TCF24: variants seen among roughly 807,000 people sequenced by gnomAD.
The protein encoded by TCF24 is transcription factor 24.
TCF24 carries 5 observed loss-of-function variants against 9.3 expected under a neutral mutation model. The observed-to-expected ratio is 0.54, with a 90% CI of 0.28 to 1.13. The LOEUF (loss-of-function observed/expected upper bound fraction) is 1.13. Among genes scored for constraint, TCF24 ranks in the 50% most tolerant of loss-of-function variants. The pLI is 0.09. For missense variants in TCF24, 220 were observed against 236.1 expected (o/e 0.93, Z 0.45); for synonymous variants, 110 against 115.8 (o/e 0.95, Z 0.32).
At chr8:66,956,941 A>G (rs1814164244) in intron 3 of TCF24, among the ~76,000 whole-genome samples, 1 of 151,870 alleles carries the variant, frequency 6.6e-6, no homozygotes, top group Non-Finnish European at 1.5e-5. Context: ...GCAGTGGCTC[A>G]TGCCTGTAAG....
rs1193313415 is a variant in TCF24 at position 66,957,923 on chromosome 8, AAGAATT to A, written c.390+3447_390+3452del. Among the ~76,000 whole-genome samples, 74 of 149,958 alleles carry A rather than the reference AAGAATT, an allele frequency of 4.9e-4. 1 individual carries two copies. Among genetic ancestry groups the A allele is most frequent in the African/African-American group, 1.7e-3 (69 of 40,702 alleles). On this transcript the variant is annotated intron_variant, in intron 3 of 3. Coordinates refer to ENST00000563496, the MANE Select transcript of TCF24 (RefSeq NM_001193502.2). ...AAAAAAAAAAAAAAAAAAAAAAAAA[AAGAATT>A]GCTCTAAATCATTCAGCCAAGTGTG...
rs1242333945 is a variant in TCF24 at position 66,949,216 on chromosome 8, C to T, written c.391-1052G>A. On this transcript the variant is annotated intron_variant, in intron 3 of 3. Coordinates refer to ENST00000563496, the MANE Select transcript of TCF24 (RefSeq NM_001193502.2). ...TGCGCTGCACCCACTAACTCGTCAT[C>T]TAGCATTAGGTATATCTCCCAATGC... 2.0e-5 allele frequency among the ~76,000 whole-genome samples: 3 copies of T among 152,124 alleles called. No individual in the cohort carries two copies. In the East Asian group the frequency reaches 5.8e-4, roughly 29 times the overall value.
intron 3 of TCF24, among the ~76,000 whole-genome samples, chr8:66,953,846 T>G (rs1814099867): frequency 6.6e-6 from 1 of 152,068 alleles, no homozygotes; most frequent in African/African-American, 2.4e-5. Flanking sequence ...TTCATTCATT[T>G]CATCTTCCAT....
In TCF24 at chr8:66,961,585, G is replaced by C. The variant is rs1814255303; in HGVS notation, c.181C>G (p.Arg61Gly). 7.1e-7 allele frequency: 1 copy of C among 1,399,052 alleles called. No individual in the cohort carries two copies. The highest frequency in any genetic ancestry group is 1.5e-5 in the African/African-American group (1 of 67,282). 86.7% of individuals were successfully genotyped at this position (1,399,052 alleles called of 1,614,324 possible). ...AAAGCGTGCCGCAGGGTCTGCACCC[G>C]GCTGCGCTCCCGCGCCGCATTCGCC... ...AAANAARERSRVQTLRHAFLE... is the reference protein window; with the variant it reads ...AAANAARERSGVQTLRHAFLE... The change falls in exon 3 of 4, where the codon CGG becomes GGG. Residue 61 changes from arginine (R) to glycine (G), a missense_variant. Physicochemically the swap from Arg to Gly is moderately radical, Grantham distance 125. Transcript: ENST00000563496.
At chr8:66,951,627 T>C (rs1301656829) in intron 3 of TCF24, among the ~76,000 whole-genome samples, 1 of 152,238 alleles carries the variant, frequency 6.6e-6, no homozygotes, top group East Asian at 1.9e-4. Flanking sequence ...TTAGGGAGGA[T>C]TCCCTCTTTT....
intron 3 of TCF24, among the ~76,000 whole-genome samples, chr8:66,948,654 A>ACTAT (rs10524696): frequency 0.24 from 34,541 of 146,472 alleles, 4,046 homozygotes; most frequent in Middle Eastern, 0.27. Context: ...AAAAGTGTCA[A>ACTAT]CTATCTATCT....
At chr8:66,948,834 T>C (rs1249828746) in intron 3 of TCF24, among the ~76,000 whole-genome samples, 1 of 152,154 alleles carries the variant, frequency 6.6e-6, no homozygotes, top group Non-Finnish European at 1.5e-5. Context: ...TAGCTAGGAT[T>C]ATAGGAGCAT....
At chr8:66,960,520 G>C (rs945193871) in intron 3 of TCF24, among the ~76,000 whole-genome samples, 1 of 152,040 alleles carries the variant, frequency 6.6e-6, no homozygotes, top group African/African-American at 2.4e-5. Context: ...GATGCATTTG[G>C]AACAGAAAAA....
chr8:66,947,099 C>A lies in TCF24; in HGVS notation c.*952G>T, dbSNP rs1813975788. On this transcript the variant is annotated 3_prime_UTR_variant, in exon 4 of 4. Coordinates refer to ENST00000563496, the MANE Select transcript of TCF24 (RefSeq NM_001193502.2). ...TTACAAATATTTAAATATGCAAGTA[C>A]TTTTCTACATATTAATATGTAGAGA... is the stretch of plus-strand genomic sequence containing the variant. 1 of 152,098 alleles carries A rather than the reference C, an allele frequency of 6.6e-6. No individual in the cohort carries two copies. Among genetic ancestry groups the A allele is most frequent in the Non-Finnish European group, 1.5e-5 (1 of 68,026 alleles). 9.4% of individuals were successfully genotyped at this position (152,098 alleles called of 1,614,324 possible).
intron 3 of TCF24, among the ~76,000 whole-genome samples, chr8:66,954,445 G>A (rs1814115434): frequency 6.6e-6 from 1 of 152,106 alleles, no homozygotes; most frequent in Admixed American, 6.6e-5. Flanking sequence ...GAGGCAGTCT[G>A]CCCGTTCTCA....
chr8:66,950,888 T>G (rs55647049), intron 3 of TCF24, among the ~76,000 whole-genome samples: 11,994 of 150,826 alleles, frequency 0.08, 832 homozygotes, highest in African/African-American at 0.21. Context: ...TTTGGCTCTC[T>G]GTTTGTCTGC....
At chr8:66,959,958 A>G (rs1334232295) in intron 3 of TCF24, among the ~76,000 whole-genome samples, 1 of 152,220 alleles carries the variant, frequency 6.6e-6, no homozygotes, top group Non-Finnish European at 1.5e-5. Flanking sequence ...TTCCAAGAAA[A>G]TAAGTTGAAA....
At chr8:66,960,472 GCCAAAACT>G (rs1432017483) in intron 3 of TCF24, among the ~76,000 whole-genome samples, 5 of 152,020 alleles carry the variant, frequency 3.3e-5, no homozygotes. Context: ...GGGTGGTGGA[GCCAAAACT>G]GAAAATTTAG....
chr8:66,960,762 G>A (rs1169199929), intron 3 of TCF24, among the ~76,000 whole-genome samples: 3 of 152,110 alleles, frequency 2.0e-5, no homozygotes, highest in Non-Finnish European at 4.4e-5. Flanking sequence ...TATTACGAAC[G>A]TATTTAAAAA....
rs1814280437 is a variant in TCF24 at position 66,962,527 on chromosome 8, G to C, written c.-333C>G. On this transcript the variant is annotated 5_prime_UTR_variant, in exon 1 of 4. Transcript: ENST00000563496. ...CGGCCAGGCGTGTGTGCTCCGACCG[G>C]CTAAGGCAGGTCGGGCGGAGGACCT... is the stretch of plus-strand genomic sequence containing the variant. The C allele has an allele frequency of 6.6e-6, 1 of 152,334 alleles. No homozygotes were observed. Among genetic ancestry groups the C allele is most frequent in the African/African-American group, 2.4e-5 (1 of 41,470 alleles). The allele number at this position is 152,334 out of a possible 1,614,324, so 9.4% of individuals were successfully genotyped here.
At chr8:66,958,192 G>A (rs1253241516) in intron 3 of TCF24, among the ~76,000 whole-genome samples, 2 of 152,118 alleles carry the variant, frequency 1.3e-5, no homozygotes, top group African/African-American at 4.8e-5. Flanking sequence ...ATATTGGTTA[G>A]GTTGCATGTC....
intron 3 of TCF24, among the ~76,000 whole-genome samples, chr8:66,958,620 C>T (rs1814205346): frequency 6.6e-6 from 1 of 152,158 alleles, no homozygotes; most frequent in African/African-American, 2.4e-5. Context: ...GAGATCGCAC[C>T]ACTGCACTCT....
rs1202927593 is a variant in TCF24 at position 66,948,051 on chromosome 8, C to T, written c.504G>A (p.Ter168=). ...CTACCAGCCCCCACCAGGGGAGAGC[C>T]TAAGGCTGTGAGTCTGTTGGAGTGT... ...HDNTPTDSQP[*] The change falls in exon 4 of 4, where the codon TAG becomes TAA. Residue 168 remains the stop codon, a stop_retained_variant. Transcript: ENST00000563496. 3.9e-6 allele frequency: 6 copies of T among 1,529,214 alleles called. No individual in the cohort carries two copies. The African/African-American group carries it at 8.2e-5, about 21-fold the overall frequency. 94.7% of individuals were successfully genotyped at this position (1,529,214 alleles called of 1,614,324 possible). A position where few individuals can be genotyped will look rare whatever the true frequency, so the allele number is the denominator to read the frequency against.
At chr8:66,956,438 C>T (rs1028613170) in intron 3 of TCF24, among the ~76,000 whole-genome samples, 1 of 152,156 alleles carries the variant, frequency 6.6e-6, no homozygotes, top group Non-Finnish European at 1.5e-5. Context: ...TCTTGGCTCA[C>T]TGCAACCTCC....
Sources: gnomAD v4.1 joint callset for allele counts (sites outside exome capture counted in the v4.1 genomes callset) on GRCh38, gnomAD v4.1.1 for gene constraint, MANE v1.5 for transcripts, NCBI Gene and HGNC (gene_info 2026-07-23, HGNC 2026-07-21) for gene names.